Variants in FHL1 observed in about 807,000 individuals in gnomAD.
FHL1 encodes four and a half LIM domains protein 1.
Under a neutral mutation model 20.3 loss-of-function variants are expected in FHL1, and 1 was observed. The ratio of observed to expected loss-of-function variants is 0.05; its 90% CI spans 0.02 to 0.23. The LOEUF (loss-of-function observed/expected upper bound fraction) is 0.23. Among genes scored for constraint, FHL1 ranks in the 10% least tolerant of loss-of-function variants. The probability of loss-of-function intolerance (pLI) is 1.00; values close to 1 mark genes in which losing one functional copy is unlikely to be tolerated. For missense variants in FHL1, 177 were observed against 234.0 expected, an observed-to-expected ratio of 0.76 and a Z score of 1.59; for synonymous variants, 82 against 88.9, an observed-to-expected ratio of 0.92 and a Z score of 0.44.
intron 2 of FHL1, among the ~76,000 whole-genome samples, chrX:136,186,305 CT>C (rs1161346088): frequency 2.7e-5 from 3 of 111,189 alleles, no homozygotes; most frequent in East Asian, 2.8e-4. Context: ...TGAGGGTAAC[CT>C]TCATATAGCT....
intron 1 of FHL1, among the ~76,000 whole-genome samples, chrX:136,159,006 G>C (rs1027751502): frequency 1.8e-5 from 2 of 110,158 alleles, no homozygotes; most frequent in East Asian, 2.8e-4. Flanking sequence ...ATTAACGTTG[G>C]CCCATCAATT....
intron 3 of FHL1, 95 bp downstream of exon 3, chrX:136,207,285 T>TCA: frequency 1.2e-6 from 1 of 856,526 alleles, no homozygotes; most frequent in Non-Finnish European, 1.7e-6. Flanking sequence ...AACGTTGCTC[T>TCA]GAGCTGCTTT....
chrX:136,197,188 A>C, intron 1 of FHL1, 54 bp downstream of exon 1: 1 of 1,065,271 alleles, frequency 9.4e-7, no homozygotes, highest in Non-Finnish European at 1.3e-6. Flanking sequence ...TAGGGCAGTG[A>C]ATCCGTCATT....
In FHL1 at chrX:136,206,530, A is replaced by T. The variant is rs1207531202; in HGVS notation, c.146A>T (p.Asp49Val). ...CACCACTGCTGCCTGAAATGCTTTG[A>T]CAAGTTCTGTGCCAACACCTGTGTG... is the stretch of plus-strand genomic sequence containing the variant. The part of the protein sequence containing the change: ...DGHHCCLKCF[D>V]KFCANTCVEC... Residue 49 changes from aspartate to valine, a missense_variant, in exon 2 of 6, where the codon GAC becomes GTC. Physicochemically the swap from Asp to Val is radical, Grantham distance 152. Coordinates refer to ENST00000370683, the MANE Select transcript of FHL1 (RefSeq NM_001159699.2). The T allele has an allele frequency of 8.3e-7, 1 of 1,211,565 alleles. No homozygotes were observed. Among genetic ancestry groups the T allele is most frequent in the Non-Finnish European group, 1.1e-6 (1 of 895,527 alleles).
In FHL1 at chrX:136,189,205, A is replaced by G. The variant is rs367644803; in HGVS notation, c.-26-17202A>G. Among the ~76,000 whole-genome samples, 14 of 112,096 alleles carry G rather than the reference A, an allele frequency of 1.2e-4. No individual in the cohort carries two copies. The South Asian group carries it at 5.3e-3, about 42-fold the overall frequency. On this transcript the variant is annotated intron_variant, in intron 2 of 6. Coordinates refer to the FHL1 transcript ENST00000394153. ...ATGTAGGGAAGACCCTCTGCAGCTC[A>G]AGACTGGACAGGTGACCTAGACCTA... is the stretch of plus-strand genomic sequence containing the variant.
intron 1 of FHL1, chrX:136,169,883 T>C (rs963529011): frequency 6.1e-6 from 2 of 329,656 alleles, no homozygotes; most frequent in African/African-American, 5.3e-5. Context: ...TGCCTCTTGA[T>C]TCTCATTTTT....
At chrX:136,186,868 ATATATAT>A (rs1400089109) in intron 2 of FHL1, among the ~76,000 whole-genome samples, 479 of 8,178 alleles carry the variant, frequency 0.059, 7 homozygotes, top group South Asian at 0.29. Flanking sequence ...AAAAAAAAAT[ATATATAT>A]ATATATAGAT....
chrX:136,199,948 T>C (rs2073663460), intron 1 of FHL1, among the ~76,000 whole-genome samples: 1 of 112,285 alleles, frequency 8.9e-6, no homozygotes, highest in Non-Finnish European at 1.9e-5. Flanking sequence ...GAGAGGTTTA[T>C]AGTAAAAAAG....
At chrX:136,177,129 CT>C (rs2148313762) in intron 2 of FHL1, among the ~76,000 whole-genome samples, 1 of 110,506 alleles carries the variant, frequency 9.0e-6, no homozygotes, top group Admixed American at 9.7e-5. Flanking sequence ...TAAAGAGAAC[CT>C]TTTGTCAGAA....
At chrX:136,192,355 C>T (rs2073448888), upstream of FHL1, among the ~76,000 whole-genome samples, 1 of 111,338 alleles carries the variant, frequency 9.0e-6, no homozygotes, top group Non-Finnish European at 1.9e-5. Context: ...ACAGGAAGGG[C>T]ACAGACTTTG....
chrX:136,193,107 A>G (rs1295905377), upstream of FHL1, among the ~76,000 whole-genome samples: 1 of 110,473 alleles, frequency 9.1e-6, no homozygotes, highest in Non-Finnish European at 1.9e-5. Context: ...ACAACTGGAC[A>G]TGAAACCACG....
intron 1 of FHL1, among the ~76,000 whole-genome samples, chrX:136,160,853 AAAT>A (rs774573403): frequency 8.1e-5 from 9 of 110,866 alleles, no homozygotes; most frequent in Non-Finnish European, 1.5e-4. Flanking sequence ...AAGAGGATAA[AAAT>A]AACCTCTCCC....
intron 1 of FHL1, among the ~76,000 whole-genome samples, chrX:136,204,475 T>C (rs1169803397): frequency 8.9e-6 from 1 of 112,608 alleles, no homozygotes; most frequent in African/African-American, 3.2e-5. Flanking sequence ...CTGTGTCCAT[T>C]GCGTCTCTAG....
upstream of FHL1, chrX:136,169,391 C>T (rs1055034037): frequency 4.2e-4 from 67 of 158,916 alleles, no homozygotes; most frequent in African/African-American, 2.1e-3. Context: ...ATAACTTCAG[C>T]GGTCACAGGG....
upstream of FHL1, among the ~76,000 whole-genome samples, chrX:136,193,700 T>A (rs2073486081): frequency 9.0e-6 from 1 of 110,526 alleles, no homozygotes; most frequent in Non-Finnish European, 1.9e-5. Context: ...ATCTAGTTTT[T>A]CCTTTCCATG....
At position 136,184,091 on chromosome X, in the gene FHL1, A is replaced by T. The variant is rs2073229271; in HGVS notation, c.-27+14111A>T. Among the ~76,000 whole-genome samples the T allele has an allele frequency of 2.7e-5, 3 of 112,051 alleles. No individual in the cohort carries two copies. The Admixed American group carries it at 2.8e-4, about 11-fold the overall frequency. ...ACTCTGGAGGGAATTGATATTTGAT[A>T]TTGTTTTCCTGTGTGTTCTAAGTTA... On this transcript the variant is annotated intron_variant, in intron 2 of 6. Coordinates refer to the FHL1 transcript ENST00000394153.
At chrX:136,207,211 C>T (rs748817110) in intron 3 of FHL1, 21 bp downstream of exon 3, 87 of 1,186,963 alleles carry the variant, frequency 7.3e-5, no homozygotes, top group Non-Finnish European at 8.3e-5. Context: ...CTTCCCACCC[C>T]GGGTTCCCAG....
intron 1 of FHL1, 44 bp from the exon 2 acceptor site, chrX:136,206,363 G>T (rs751916070): frequency 8.3e-7 from 1 of 1,204,630 alleles, no homozygotes; most frequent in Admixed American, 2.2e-5. Context: ...CAGGGTGCTG[G>T]GGCATTTCCT....
chrX:136,155,875 TGATA>T (rs2072403825), intron 1 of FHL1, among the ~76,000 whole-genome samples: 1 of 110,403 alleles, frequency 9.1e-6, no homozygotes, highest in African/African-American at 3.3e-5. Flanking sequence ...CTTGTAGAAT[TGATA>T]TTCTATTTGC....
Sources: gnomAD v4.1 joint callset for allele counts (sites outside exome capture counted in the v4.1 genomes callset) on GRCh38, gnomAD v4.1.1 for gene constraint, MANE v1.5 for transcripts, NCBI Gene and HGNC (gene_info 2026-07-23, HGNC 2026-07-21) for gene names.